LCLAT1: variants seen among roughly 807,000 people sequenced by gnomAD.
The protein encoded by LCLAT1 is 1-AGP acyltransferase 8.
LCLAT1 carries 11 observed loss-of-function variants against 30.7 expected under a neutral mutation model. The observed-to-expected ratio is 0.36, with a 90% CI of 0.23 to 0.59. The LOEUF is 0.59. LCLAT1 is among the 20% of genes least tolerant of loss of function. The pLI is 0.77. For synonymous variants in LCLAT1, 155 were observed against 151.3 expected (o/e 1.02, Z -0.18); for missense variants, 402 against 458.6 (o/e 0.88, Z 1.13).
In LCLAT1 at chr2:30,504,198, CAT is replaced by C. The variant is rs1248273189; in HGVS notation, c.-4-21386_-4-21385del. On this transcript the variant is annotated intron_variant, in intron 1 of 5. Coordinates refer to ENST00000379509, the MANE Select transcript of LCLAT1 (RefSeq NM_001002257.3). ...CACATAATATGCATTACATATATAACATATTACATAACATAACATATATTACA... is the reference window on the plus strand; with the variant it reads ...CACATAATATGCATTACATATATAACATTACATAACATAACATATATTACA... Among the ~76,000 whole-genome samples the C allele has an allele frequency of 8.6e-5, 13 of 151,998 alleles. No homozygotes were observed. In the East Asian group the frequency reaches 1.2e-3, roughly 14 times the overall value.
intron 5 of LCLAT1, among the ~76,000 whole-genome samples, chr2:30,579,610 T>C (rs1457221275): frequency 6.6e-6 from 1 of 152,126 alleles, no homozygotes; most frequent in Non-Finnish European, 1.5e-5. Flanking sequence ...TCTGGAGGAA[T>C]GGCAGGATTT....
chr2:30,504,971 C>T lies in LCLAT1; in HGVS notation c.-4-20616C>T, dbSNP rs560043944. On this transcript the variant is annotated intron_variant, in intron 1 of 5. Transcript: ENST00000379509. ...TTCCAAAAATGGTATTGCATTTTCT[C>T]TTAGCAATACATCTTGGAGAGCAGA... 2.0e-4 allele frequency among the ~76,000 whole-genome samples: 31 copies of T among 152,198 alleles called. No individual in the cohort carries two copies. In the South Asian group the frequency reaches 3.1e-3, roughly 15 times the overall value.
chr2:30,492,684 A>T (rs370421290), intron 1 of LCLAT1, among the ~76,000 whole-genome samples: 1 of 152,118 alleles, frequency 6.6e-6, no homozygotes, highest in Admixed American at 6.5e-5. Context: ...AAAATGCTAG[A>T]TATTTTTAGT....
intron 1 of LCLAT1, among the ~76,000 whole-genome samples, chr2:30,489,575 A>G (rs1196720470): frequency 6.6e-6 from 1 of 152,130 alleles, no homozygotes; most frequent in African/African-American, 2.4e-5. Flanking sequence ...GATGGTCTCG[A>G]TCTCCTGACC....
intron 1 of LCLAT1, chr2:30,489,026 C>CTGATA (rs1014143484): frequency 2.0e-5 from 3 of 152,198 alleles, no homozygotes; most frequent in African/African-American, 7.2e-5. Flanking sequence ...TTCCATTGTA[C>CTGATA]TGATAGGTTC....
At chr2:30,569,287 A>G (rs747988967) in intron 5 of LCLAT1, among the ~76,000 whole-genome samples, 1 of 152,254 alleles carries the variant, frequency 6.6e-6, no homozygotes, top group African/African-American at 2.4e-5. Context: ...ATAAAAACCA[A>G]TTGTACTTTT....
At chr2:30,457,287 G>GA (rs1181747608) in intron 1 of LCLAT1, among the ~76,000 whole-genome samples, 2 of 151,684 alleles carry the variant, frequency 1.3e-5, no homozygotes, top group African/African-American at 2.4e-5. Context: ...TTATCTAAAA[G>GA]AAAAAAAAGT....
In LCLAT1 at chr2:30,489,453, T is replaced by C. The variant is rs186456299; in HGVS notation, c.-4-36134T>C. Among the ~76,000 whole-genome samples, 63 of 151,962 alleles carry C rather than the reference T, an allele frequency of 4.1e-4. 1 individual carries two copies. The South Asian group carries it at 5.0e-3, about 12-fold the overall frequency. On this transcript the variant is annotated intron_variant, in intron 1 of 5. Coordinates refer to ENST00000379509, the MANE Select transcript of LCLAT1 (RefSeq NM_001002257.3). ...CTGCAAGCTCTGCCTCCTGGGTTCA[T>C]GCCATTCTCCTGCCTCAGCCTCCTG...
chr2:30,477,778 A>G (rs1242806119), intron 1 of LCLAT1, among the ~76,000 whole-genome samples: 1 of 152,216 alleles, frequency 6.6e-6, no homozygotes, highest in Non-Finnish European at 1.5e-5. Flanking sequence ...TAAGAAGTCT[A>G]GAAAGATTGA....
intron 1 of LCLAT1, among the ~76,000 whole-genome samples, chr2:30,463,404 A>G (rs2148277387): frequency 6.6e-6 from 1 of 152,270 alleles, no homozygotes; most frequent in South Asian, 2.1e-4. Flanking sequence ...TTAAAAACAG[A>G]GTCATTCATT....
intron 1 of LCLAT1, among the ~76,000 whole-genome samples, chr2:30,477,728 G>C (rs1014530846): frequency 2.6e-5 from 4 of 152,182 alleles, no homozygotes; most frequent in Non-Finnish European, 4.4e-5. Flanking sequence ...GGCTTTCCTA[G>C]TGAAAGGAGA....
chr2:30,464,740 G>A (rs1682332996), intron 1 of LCLAT1, among the ~76,000 whole-genome samples: 1 of 152,190 alleles, frequency 6.6e-6, no homozygotes, highest in East Asian at 1.9e-4. Context: ...AATTTCAGTG[G>A]TGTTTGTTTG....
At chr2:30,512,588 C>T (rs1011826331) in intron 1 of LCLAT1, among the ~76,000 whole-genome samples, 1 of 152,110 alleles carries the variant, frequency 6.6e-6, no homozygotes, top group Non-Finnish European at 1.5e-5. Flanking sequence ...TGAAATCAGA[C>T]CTATTAATAC....
intron 5 of LCLAT1, among the ~76,000 whole-genome samples, chr2:30,621,283 G>A (rs1051332826): frequency 6.6e-6 from 1 of 152,114 alleles, no homozygotes; most frequent in African/African-American, 2.4e-5. Context: ...GAACGTTTGT[G>A]TTCCCCCAAA....
intron 5 of LCLAT1, among the ~76,000 whole-genome samples, chr2:30,630,703 G>A (rs2148527564): frequency 6.6e-6 from 1 of 152,258 alleles, no homozygotes; most frequent in Non-Finnish European, 1.5e-5. Context: ...TATGAACCCT[G>A]ACTCTTCACC....
chr2:30,479,667 A>G (rs1028603545), intron 1 of LCLAT1, among the ~76,000 whole-genome samples: 1 of 152,172 alleles, frequency 6.6e-6, no homozygotes, highest in Non-Finnish European at 1.5e-5. Flanking sequence ...TGCATGAAGG[A>G]GGCTTCTGGG....
chr2:30,583,026 A>G (rs1666271298), intron 5 of LCLAT1, among the ~76,000 whole-genome samples: 2 of 152,246 alleles, frequency 1.3e-5, no homozygotes, highest in South Asian at 2.1e-4. Flanking sequence ...TTTCTGCACT[A>G]TAAACCAGTT....
intron 5 of LCLAT1, among the ~76,000 whole-genome samples, chr2:30,597,840 A>G (rs1666997416): frequency 6.6e-6 from 1 of 152,152 alleles, no homozygotes; most frequent in Non-Finnish European, 1.5e-5. Context: ...TAGTTTATTG[A>G]GAGTTTTGAA....
intron 3 of LCLAT1, among the ~76,000 whole-genome samples, chr2:30,560,322 GTGTAT>G (rs1211786977): frequency 2.9e-4 from 41 of 139,436 alleles, no homozygotes; most frequent in African/African-American, 1.2e-3. Flanking sequence ...GTGTGTGTGT[GTGTAT>G]TATTTATTTA....
Sources: allele counts gnomAD v4.1 joint callset (sites outside exome capture counted in the v4.1 genomes callset), GRCh38; gene constraint gnomAD v4.1.1; transcripts MANE v1.5; gene names NCBI Gene and HGNC (gene_info 2026-07-23, HGNC 2026-07-21).